The following SLX4IP variants were observed in gnomAD, a reference collection of about 807,000 sequenced individuals.
SLX4IP encodes the protein protein SLX4IP.
In SLX4IP, 34 loss-of-function variants were observed where a neutral mutation model predicts 32.9. That is an observed-to-expected ratio of 1.03 (90% CI 0.79 to 1.38). SLX4IP has a LOEUF of 1.38. Ranked by LOEUF, SLX4IP falls within the 40% of genes most tolerant of loss-of-function variation. SLX4IP has a pLI of 0.00. For synonymous variants in SLX4IP, 172 were observed against 171.7 expected (o/e 1.00, Z -0.01); for missense variants, 444 against 479.0 (o/e 0.93, Z 0.68).
At chr20:10,495,084 GAATA>G (rs1346502903) in intron 2 of SLX4IP, among the ~76,000 whole-genome samples, 3 of 152,048 alleles carry the variant, frequency 2.0e-5, no homozygotes, top group Admixed American at 6.6e-5. Context: ...ACATTGTACT[GAATA>G]AATACATACA....
intron 2 of SLX4IP, among the ~76,000 whole-genome samples, chr20:10,526,053 C>G (rs576755257): frequency 6.6e-6 from 1 of 152,276 alleles, no homozygotes; most frequent in South Asian, 2.1e-4. Context: ...CAGCTGATCT[C>G]TTTGTTCTAG....
At chr20:10,448,786 T>G (rs1396688692) in intron 1 of SLX4IP, among the ~76,000 whole-genome samples, 1 of 152,182 alleles carries the variant, frequency 6.6e-6, no homozygotes, top group East Asian at 1.9e-4. Context: ...TAACTTTAAT[T>G]GGGAATATCA....
chr20:10,587,989 A>C (rs925477745), intron 4 of SLX4IP, among the ~76,000 whole-genome samples: 2 of 152,098 alleles, frequency 1.3e-5, no homozygotes, highest in African/African-American at 4.8e-5. Flanking sequence ...CAACTATATC[A>C]AACTAAAAAC....
intron 2 of SLX4IP, among the ~76,000 whole-genome samples, chr20:10,536,307 C>T (rs968052095): frequency 5.3e-5 from 8 of 151,208 alleles, no homozygotes; most frequent in Non-Finnish European, 8.8e-5. Context: ...GCAGGAGGAT[C>T]GCTTGAGCCC....
Position 10,585,219 on chromosome 20 carries a change from G to A in SLX4IP, c.239-13456G>A, listed in dbSNP as rs566808421. 7.9e-4 allele frequency among the ~76,000 whole-genome samples: 120 copies of A among 152,256 alleles called. 1 individual carries two copies. The highest frequency in any genetic ancestry group is 1.5e-4 in the Non-Finnish European group (10 of 68,022). On this transcript the variant is annotated intron_variant, in intron 4 of 7. Transcript: ENST00000334534. ...ATTCTTCCACCCTGAAGCTACCTCC[G>A]AAATGCTACCAATCACCTCTCAATT...
chr20:10,522,277 A>G (rs926349312), intron 2 of SLX4IP, among the ~76,000 whole-genome samples: 1 of 152,172 alleles, frequency 6.6e-6, no homozygotes, highest in Non-Finnish European at 1.5e-5. Flanking sequence ...GGGGGATCTT[A>G]GCTCTTTTTG....
chr20:10,442,059 G>GT (rs1261530772), intron 1 of SLX4IP, among the ~76,000 whole-genome samples: 3 of 152,140 alleles, frequency 2.0e-5, no homozygotes, highest in African/African-American at 7.2e-5. Context: ...ACTAATGAAA[G>GT]TTTTTTAAGA....
At chr20:10,520,347 G>C (rs2065892307) in intron 2 of SLX4IP, among the ~76,000 whole-genome samples, 1 of 151,980 alleles carries the variant, frequency 6.6e-6, no homozygotes, top group Non-Finnish European at 1.5e-5. Context: ...ACTGCGCCCG[G>C]CCCTTGTGCC....
chr20:10,547,952 C>T (rs1255260307), intron 2 of SLX4IP, among the ~76,000 whole-genome samples: 1 of 152,174 alleles, frequency 6.6e-6, no homozygotes, highest in East Asian at 1.9e-4. Flanking sequence ...GTGCTAGTCT[C>T]AGTGTGACAC....
chr20:10,618,379 C>T (rs1194440221), intron 6 of SLX4IP, among the ~76,000 whole-genome samples: 4 of 152,088 alleles, frequency 2.6e-5, no homozygotes, highest in African/African-American at 9.7e-5. Flanking sequence ...ACTTTTGAAC[C>T]AAAAATCTTA....
At chr20:10,518,493 CCTTCCT>C (rs2065876067) in intron 2 of SLX4IP, among the ~76,000 whole-genome samples, 2 of 12,630 alleles carry the variant, frequency 1.6e-4, no homozygotes, top group African/African-American at 4.8e-4. Flanking sequence ...CTTTCCTTTT[CCTTCCT>C]TCCTTCCTTC....
At chr20:10,566,383 A>G (rs1024054646) in intron 4 of SLX4IP, among the ~76,000 whole-genome samples, 2 of 134,322 alleles carry the variant, frequency 1.5e-5, no homozygotes, top group Non-Finnish European at 3.0e-5. Context: ...GCCTGTTTGT[A>G]TATTGCCATA....
intron 4 of SLX4IP, among the ~76,000 whole-genome samples, chr20:10,567,953 C>T (rs1028805487): frequency 4.6e-5 from 7 of 152,170 alleles, no homozygotes; most frequent in African/African-American, 1.4e-4. Flanking sequence ...TCATAACTGG[C>T]GAGTGAAGCT....
chr20:10,611,098 T>A (rs1337416469), intron 6 of SLX4IP, among the ~76,000 whole-genome samples: 4 of 152,216 alleles, frequency 2.6e-5, no homozygotes, highest in Non-Finnish European at 5.9e-5. Context: ...TAACGTTCTT[T>A]TTGCCTCATT....
intron 2 of SLX4IP, among the ~76,000 whole-genome samples, chr20:10,546,125 A>G (rs1482230775): frequency 6.6e-6 from 1 of 152,216 alleles, no homozygotes; most frequent in Non-Finnish European, 1.5e-5. Flanking sequence ...GTTTCAGATT[A>G]TAGATGCCAT....
intron 6 of SLX4IP, among the ~76,000 whole-genome samples, chr20:10,620,684 G>T (rs554877038): frequency 1.3e-4 from 20 of 152,208 alleles, no homozygotes; most frequent in Non-Finnish European, 2.5e-4. Flanking sequence ...CTCCCAAGTA[G>T]CTGGGACTAC....
At chr20:10,568,601 A>G (rs563799925) in intron 4 of SLX4IP, among the ~76,000 whole-genome samples, 1 of 152,222 alleles carries the variant, frequency 6.6e-6, no homozygotes, top group East Asian at 1.9e-4. Context: ...ATGCTCATGG[A>G]TGTTTCAGGT....
intron 2 of SLX4IP, among the ~76,000 whole-genome samples, chr20:10,541,389 G>A (rs751005194): frequency 1.1e-4 from 16 of 152,128 alleles, no homozygotes; most frequent in Non-Finnish European, 1.8e-4. Flanking sequence ...GCCCTTTGTG[G>A]TTTTAGTCTC....
At chr20:10,528,308 A>G (rs1335422569) in intron 2 of SLX4IP, among the ~76,000 whole-genome samples, 2 of 152,230 alleles carry the variant, frequency 1.3e-5, no homozygotes, top group African/African-American at 4.8e-5. Context: ...CTGTGGGTCC[A>G]TTTATCAAAC....
Sources: gnomAD v4.1 joint callset for allele counts (sites outside exome capture counted in the v4.1 genomes callset) on GRCh38, gnomAD v4.1.1 for gene constraint, MANE v1.5 for transcripts, NCBI Gene and HGNC (gene_info 2026-07-23, HGNC 2026-07-21) for gene names.